Variants in SARDH observed in about 807,000 individuals in gnomAD.
SARDH encodes sarcosine dehydrogenase, also known as sarcosine dehydrogenase, mitochondrial.
A neutral mutation model predicts 109.1 loss-of-function variants in SARDH; 95 were observed. The ratio of observed to expected loss-of-function variants is 0.87; its 90% CI spans 0.74 to 1.03. The LOEUF (loss-of-function observed/expected upper bound fraction) is 1.03. SARDH is among the 50% of genes least tolerant of loss of function. SARDH has a pLI of 0.00. For missense variants in SARDH, 1,267 were observed against 1,287.8 expected (o/e 0.98, Z 0.25); for synonymous variants, 572 against 534.8 (o/e 1.07, Z -0.96).
chr9:133,697,480 C>T (rs1391988645), intron 13 of SARDH, among the ~76,000 whole-genome samples: 1 of 152,178 alleles, frequency 6.6e-6, no homozygotes, highest in South Asian at 2.1e-4. Flanking sequence ...AAGAAAACTA[C>T]AGACCAATAT....
In SARDH at chr9:133,705,033, T is replaced by A. The variant is rs1831636984; in HGVS notation, c.1471-2A>T. ...CACGCAGCCTTGTCCAAGGAGTTCCTGAGCAGGAGTGGGGAACAGGCATCT... is the reference window on the plus strand; with the variant it reads ...CACGCAGCCTTGTCCAAGGAGTTCCAGAGCAGGAGTGGGGAACAGGCATCT... On this transcript the variant is annotated splice_acceptor_variant, in intron 11 of 20. Transcript: ENST00000439388. LOFTEE classifies it high-confidence loss of function. 1.3e-6 allele frequency: 2 copies of A among 1,586,724 alleles called. No homozygotes were observed. The highest frequency in any genetic ancestry group is 1.7e-6 in the Non-Finnish European group (2 of 1,167,322).
chr9:133,717,679 A>C (rs1287340798), intron 7 of SARDH, among the ~76,000 whole-genome samples: 23 of 53,272 alleles, frequency 4.3e-4, no homozygotes, highest in South Asian at 7.3e-4. Context: ...GCCTCCACCC[A>C]CTCCCCTAGA....
At chr9:133,677,968 AC>A (rs1056781371) in intron 17 of SARDH, among the ~76,000 whole-genome samples, 2 of 152,192 alleles carry the variant, frequency 1.3e-5, no homozygotes, top group African/African-American at 4.8e-5. Context: ...CACTACTATG[AC>A]CATGGCTATC....
chr9:133,689,071 C>A (rs1383879114), intron 16 of SARDH, among the ~76,000 whole-genome samples: 1 of 152,166 alleles, frequency 6.6e-6, no homozygotes, highest in East Asian at 1.9e-4. Context: ...TCTGGGCACT[C>A]CAGCCAGAGG....
At chr9:133,685,056 C>G (rs904123645) in intron 17 of SARDH, 137 bp downstream of exon 17, 10 of 672,330 alleles carry the variant, frequency 1.5e-5, no homozygotes, top group African/African-American at 5.4e-5. Flanking sequence ...CCCACTGTCC[C>G]CCCTTCACAG....
intron 7 of SARDH, among the ~76,000 whole-genome samples, chr9:133,717,963 T>A (rs1443331359): frequency 2.6e-5 from 4 of 152,208 alleles, no homozygotes; most frequent in Non-Finnish European, 4.4e-5. Flanking sequence ...AACCCTGCCC[T>A]GACCACCCAT....
At chr9:133,725,264 A>G (rs1237538394) in intron 6 of SARDH, 1 of 169,274 alleles carries the variant, frequency 5.9e-6, no homozygotes, top group Non-Finnish European at 1.3e-5. Flanking sequence ...CATGAAGATA[A>G]TGTTACACAC....
chr9:133,695,272 G>T lies in SARDH; in HGVS notation c.1808-901C>A, dbSNP rs184452060. Among the ~76,000 whole-genome samples the T allele has an allele frequency of 4.8e-3, 724 of 152,188 alleles. 4 individuals carry two copies. Among genetic ancestry groups the T allele is most frequent in the Admixed American group, 9.6e-3 (146 of 15,284 alleles). On this transcript the variant is annotated intron_variant, in intron 14 of 20. Transcript: ENST00000439388. ...AGCCTGGCCAATATGGCGAAACCCC[G>T]TCTCTACTAAAAATAGAAAAAATAG...
chr9:133,694,468 G>T, intron 14 of SARDH, 97 bp from the exon 15 acceptor site: 1 of 1,001,530 alleles, frequency 1.0e-6, no homozygotes, highest in Non-Finnish European at 1.5e-6. Flanking sequence ...GCAGCTCCTT[G>T]TCACGGAGGC....
chr9:133,671,467 G>C, intron 18 of SARDH, 68 bp downstream of exon 18: 1 of 1,467,346 alleles, frequency 6.8e-7, no homozygotes, highest in East Asian at 2.6e-5. Context: ...CGGCCTCCAG[G>C]TGTCTCGAGC....
intron 17 of SARDH, among the ~76,000 whole-genome samples, chr9:133,684,586 C>G (rs906663319): frequency 3.3e-5 from 5 of 152,206 alleles, no homozygotes; most frequent in African/African-American, 1.2e-4. Flanking sequence ...TCTGAGGGAG[C>G]CTCCTGCCTG....
rs376438251 is a variant in SARDH, at chr9:133,685,196, G to A, written c.2160C>T (p.His720=). 33 of 1,613,602 alleles carry A rather than the reference G, an allele frequency of 2.0e-5. No homozygotes were observed. Among genetic ancestry groups the A allele is most frequent in the Non-Finnish European group, 2.5e-5 (30 of 1,179,822 alleles). The change falls in exon 17 of 21, where the codon CAC becomes CAT. Residue 720 remains histidine, a synonymous_variant. Coordinates refer to ENST00000439388, the MANE Select transcript of SARDH (RefSeq NM_001134707.2). ...STHKLLRAAG[H]LVRAMRLSFV... ...GACGTGGCCAGCTGGAACCTACCAG[G>A]TGCCCTGCGGCTCTCAGTAGCTTGT... is the stretch of plus-strand genomic sequence containing the variant.
At chr9:133,684,133 C>T (rs898275003) in intron 17 of SARDH, among the ~76,000 whole-genome samples, 2 of 152,236 alleles carry the variant, frequency 1.3e-5, no homozygotes, top group African/African-American at 4.8e-5. Context: ...GGTGGTCATG[C>T]ACTGAGGTTC....
chr9:133,734,724 G>T (rs1230989243), intron 1 of SARDH, among the ~76,000 whole-genome samples: 1 of 152,202 alleles, frequency 6.6e-6, no homozygotes, highest in Non-Finnish European at 1.5e-5. Flanking sequence ...GGATGGGGAG[G>T]GGACTGAGGA....
At chr9:133,697,258 A>C (rs1831319313) in intron 13 of SARDH, among the ~76,000 whole-genome samples, 1 of 152,252 alleles carries the variant, frequency 6.6e-6, no homozygotes, top group Admixed American at 6.5e-5. Context: ...AAATCTTAAT[A>C]GAACTAAAAC....
Position 133,686,326 on chromosome 9 carries a change from G to A in SARDH, c.2070-1040C>T, listed in dbSNP as rs539295192. ...TCCTGGGCACCGTGCCCACCTCCAGGCCTAGCCCTCTTGTGCCCCTTCGCA... is the reference window on the plus strand; with the variant it reads ...TCCTGGGCACCGTGCCCACCTCCAGACCTAGCCCTCTTGTGCCCCTTCGCA... On this transcript the variant is annotated intron_variant, in intron 16 of 20. Transcript: ENST00000439388. The surrounding 1 kb of genome is among the most constrained non-coding windows in gnomAD (Gnocchi z 4.0). 3.3e-5 allele frequency among the ~76,000 whole-genome samples: 5 copies of A among 151,902 alleles called. No individual in the cohort carries two copies. The highest frequency in any genetic ancestry group is 7.4e-5 in the Non-Finnish European group (5 of 67,942).
At chr9:133,700,735 G>GCACA (rs1173272067) in intron 13 of SARDH, among the ~76,000 whole-genome samples, 5 of 57,972 alleles carry the variant, frequency 8.6e-5, no homozygotes, top group Non-Finnish European at 1.1e-4. Context: ...ACACACGCAC[G>GCACA]CGCACACACA....
At chr9:133,668,157 C>T (rs1830139559) in intron 19 of SARDH, among the ~76,000 whole-genome samples, 1 of 151,930 alleles carries the variant, frequency 6.6e-6, no homozygotes, top group South Asian at 2.1e-4. Context: ...CTGCAAGGGG[C>T]CCCCTCTCCA....
chr9:133,733,213 C>A (rs1252733224), intron 2 of SARDH, among the ~76,000 whole-genome samples: 1 of 152,264 alleles, frequency 6.6e-6, no homozygotes, highest in East Asian at 1.9e-4. Context: ...CAGGGATAAA[C>A]CTCTTCCCAA....
Sources: allele counts gnomAD v4.1 joint callset (sites outside exome capture counted in the v4.1 genomes callset), GRCh38; gene constraint gnomAD v4.1.1; non-coding constraint Gnocchi (gnomAD v3.1); transcripts MANE v1.5; gene names NCBI Gene and HGNC (gene_info 2026-07-23, HGNC 2026-07-21).